Variants in TBC1D30 observed in about 807,000 individuals in gnomAD.
TBC1D30 encodes TBC1 domain family, member 30.
TBC1D30 carries 31 observed loss-of-function variants against 63.2 expected under a neutral mutation model. The observed-to-expected ratio is 0.49, with a 90% confidence interval of 0.37 to 0.66. The LOEUF (loss-of-function observed/expected upper bound fraction) is 0.66, where lower values mean the gene tolerates loss of function less well. Ranked by LOEUF, TBC1D30 falls within the 30% of genes least tolerant of loss-of-function variation. TBC1D30 has a pLI of 0.00. For missense variants in TBC1D30, 810 were observed against 953.6 expected (o/e 0.85, Z 1.98); for synonymous variants, 307 against 361.5 (o/e 0.85, Z 1.71).
In TBC1D30 at chr12:64,877,025, C is replaced by T; in HGVS notation, c.*1237C>T. 2.5e-6 allele frequency: 1 copy of T among 392,720 alleles called. No homozygotes were observed. The highest frequency in any genetic ancestry group is 5.1e-6 in the Non-Finnish European group (1 of 195,280). 24.3% of individuals were successfully genotyped at this position (392,720 alleles called of 1,614,324 possible). ...TGCTCTTTGTACACAGATGTATTGG[C>T]TACATAGCGTGTAAAAACCAAGACT... On this transcript the variant is annotated 3_prime_UTR_variant, in exon 12 of 12. Coordinates refer to ENST00000539867, the MANE Select transcript of TBC1D30 (RefSeq NM_015279.2).
rs1002494604 is a variant in TBC1D30 at position 64,781,098 on chromosome 12, A to C, written c.290A>C (p.Glu97Ala). The C allele has an allele frequency of 1.0e-4, 100 of 1,003,058 alleles. No individual in the cohort carries two copies. In the South Asian group the frequency reaches 2.0e-3, roughly 21 times the overall value. 62.1% of individuals were successfully genotyped at this position (1,003,058 alleles called of 1,614,324 possible). ...CTGTACAGCTGCACAGAGGAGGAGG[A>C]GGCGGCGGGCGGGGGCCGCGGGGCC... Residue 97 changes from glutamate to alanine, a missense_variant, in exon 1 of 13, where the codon GAG (glutamate) becomes GCG (alanine). Glu to Ala is a moderately radical substitution (Grantham distance 107). Coordinates refer to the TBC1D30 transcript ENST00000542120.
chr12:64,866,666 A>T, intron 9 of TBC1D30, 98 bp from the exon 10 acceptor site: 1 of 1,136,950 alleles, frequency 8.8e-7, no homozygotes, highest in Non-Finnish European at 1.2e-6. Flanking sequence ...ATTCTATGTT[A>T]ATTATATATA....
At chr12:64,821,352 C>T (rs552872538), upstream of TBC1D30, among the ~76,000 whole-genome samples, 123 of 152,340 alleles carry the variant, frequency 8.1e-4, no homozygotes, top group African/African-American at 2.7e-3. Context: ...TGGCATATGT[C>T]ACAGCCCCAG....
At chr12:64,831,929 A>G (rs1469033196) in intron 4 of TBC1D30, among the ~76,000 whole-genome samples, 190 bp from the exon 5 acceptor site, 5 of 152,228 alleles carry the variant, frequency 3.3e-5, no homozygotes, top group African/African-American at 9.6e-5. Context: ...TCTCTTAAAC[A>G]GCATATTACA....
Position 64,780,997 on chromosome 12 carries a change from G to A in TBC1D30, c.189G>A (p.Glu63=), listed in dbSNP as rs1177160457. 5 of 1,044,636 alleles carry A rather than the reference G, an allele frequency of 4.8e-6. No homozygotes were observed. The African/African-American group carries it at 6.9e-5, about 15-fold the overall frequency. 64.7% of individuals were successfully genotyped at this position (1,044,636 alleles called of 1,614,324 possible). ...CCCGGGACACGTGGGACGGCGATGA[G>A]GACACGGAGCCCGGCGAGGCGTGCG... The change falls in exon 1 of 13, where the codon GAG becomes GAA. Residue 63 remains glutamate, a synonymous_variant. Transcript: ENST00000542120.
intron 2 of TBC1D30, among the ~76,000 whole-genome samples, chr12:64,805,849 T>C (rs1360790408): frequency 1.3e-5 from 2 of 151,882 alleles, no homozygotes; most frequent in Admixed American, 6.6e-5. Flanking sequence ...TAAAATAAAA[T>C]AAAATAAATA....
intron 2 of TBC1D30, among the ~76,000 whole-genome samples, chr12:64,813,344 T>G (rs755835509): frequency 2.0e-5 from 3 of 151,938 alleles, no homozygotes; most frequent in South Asian, 2.1e-4. Context: ...GAGCCGAGAT[T>G]GCGCCACTGC....
At chr12:64,795,983 G>A (rs1028029503) in intron 2 of TBC1D30, among the ~76,000 whole-genome samples, 4 of 151,894 alleles carry the variant, frequency 2.6e-5, no homozygotes, top group Non-Finnish European at 5.9e-5. Flanking sequence ...ATTGATAACC[G>A]TTTTAGGTAT....
chr12:64,781,163 A>G, exon 1 of TBC1D30: 2 of 1,033,156 alleles, frequency 1.9e-6, no homozygotes, highest in South Asian at 6.1e-5. Context: ...CGACAGCTCC[A>G]CCGAGGCCTC....
At chr12:64,866,985 C>T (rs1434798806) in intron 10 of TBC1D30, 82 bp downstream of exon 10, 2 of 1,444,606 alleles carry the variant, frequency 1.4e-6, no homozygotes, top group East Asian at 2.5e-5. Flanking sequence ...TATAGATGCC[C>T]CAGTAACTTT....
intron 8 of TBC1D30, among the ~76,000 whole-genome samples, chr12:64,861,334 A>G (rs1404271006): frequency 1.3e-5 from 2 of 152,228 alleles, no homozygotes; most frequent in African/African-American, 4.8e-5. Context: ...CCTTGACATC[A>G]TAGAATGTTC....
intron 5 of TBC1D30, among the ~76,000 whole-genome samples, chr12:64,836,289 A>T (rs957575379): frequency 6.6e-6 from 1 of 152,194 alleles, no homozygotes. Flanking sequence ...GGTCTGAGTT[A>T]CTTAGATGAT....
chr12:64,800,981 C>T (rs1487046862), intron 2 of TBC1D30, among the ~76,000 whole-genome samples: 3 of 152,090 alleles, frequency 2.0e-5, no homozygotes, highest in Admixed American at 6.5e-5. Context: ...GGAGGTGAGA[C>T]GGATGAGAAC....
intron 1 of TBC1D30, among the ~76,000 whole-genome samples, chr12:64,760,919 A>G (rs1870485618): frequency 6.6e-6 from 1 of 152,120 alleles, no homozygotes; most frequent in Admixed American, 6.5e-5. Context: ...TAGGGGTGGT[A>G]ACTCACACAA....
At chr12:64,781,295 C>T (rs908779630) in intron 1 of TBC1D30, 142 of 1,118,412 alleles carry the variant, frequency 1.3e-4, no homozygotes, top group Non-Finnish European at 1.5e-4. Context: ...AGGTGAGGGC[C>T]GGGCGCAGCA....
chr12:64,827,751 G>T, intron 1 of TBC1D30, 84 bp from the exon 2 acceptor site: 1 of 975,978 alleles, frequency 1.0e-6, no homozygotes, highest in Non-Finnish European at 1.5e-6. Context: ...TGATGATTCA[G>T]TAGAATCAAG....
intron 2 of TBC1D30, among the ~76,000 whole-genome samples, chr12:64,817,229 C>G (rs1335569428): frequency 6.6e-6 from 1 of 152,140 alleles, no homozygotes; most frequent in African/African-American, 2.4e-5. Context: ...GCTCACAGCG[C>G]CATTTTAGCC....
chr12:64,783,288 T>G (rs1440243261), intron 1 of TBC1D30, among the ~76,000 whole-genome samples: 1 of 152,164 alleles, frequency 6.6e-6, no homozygotes, highest in Non-Finnish European at 1.5e-5. Flanking sequence ...TGGGTTGATA[T>G]CCGGCCGCAG....
chr12:64,761,969 G>A (rs186049101), intron 1 of TBC1D30, among the ~76,000 whole-genome samples: 451 of 152,294 alleles, frequency 3.0e-3, no homozygotes, highest in African/African-American at 0.01. Flanking sequence ...TAATGGCAGA[G>A]AGATGGACAA....
Sources: gnomAD v4.1 joint callset for allele counts (sites outside exome capture counted in the v4.1 genomes callset) on GRCh38, gnomAD v4.1.1 for gene constraint, MANE v1.5 for transcripts, NCBI Gene and HGNC (gene_info 2026-07-23, HGNC 2026-07-21) for gene names.